Variants in MAP2K1 observed in about 807,000 individuals in gnomAD.
MAP2K1 encodes dual specificity mitogen-activated protein kinase kinase 1.
Under a neutral mutation model 46.3 loss-of-function variants are expected in MAP2K1, and 16 were observed. The observed-to-expected ratio is 0.35, with a 90% CI of 0.23 to 0.52. MAP2K1 has a LOEUF of 0.52. Ranked by LOEUF, MAP2K1 falls within the 20% of genes least tolerant of loss-of-function variation. MAP2K1 has a pLI of 0.94. For missense variants in MAP2K1, 263 were observed against 497.1 expected, an observed-to-expected ratio of 0.53 and a Z score of 4.48; for synonymous variants, 183 against 185.6, an observed-to-expected ratio of 0.99 and a Z score of 0.11.
Position 66,463,715 on chromosome 15 carries a change from C to G in MAP2K1, c.569-18040C>G, listed in dbSNP as rs560212365. Among the ~76,000 whole-genome samples the G allele has an allele frequency of 3.9e-5, 6 of 152,360 alleles. No individual in the cohort carries two copies. The East Asian group carries it at 1.2e-3, about 29-fold the overall frequency. On this transcript the variant is annotated intron_variant, in intron 5 of 10. Coordinates refer to ENST00000307102, the MANE Select transcript of MAP2K1 (RefSeq NM_002755.4). ...GCCAGGCTGGCTTCAAACTCCTGAC[C>G]TCTGGTGATCCACCTGCCTTGGCCT...
rs1346018603 is a variant in MAP2K1 at position 66,478,494 on chromosome 15, A to G, written c.569-3261A>G. Among the ~76,000 whole-genome samples, 6 of 140,198 alleles carry G rather than the reference A, an allele frequency of 4.3e-5. No individual in the cohort carries two copies. In the East Asian group the frequency reaches 8.3e-4, roughly 20 times the overall value. The allele number at this position is 140,198 out of a possible 152,430, so 92.0% of individuals were successfully genotyped here. On this transcript the variant is annotated intron_variant, in intron 5 of 10. Coordinates refer to ENST00000307102, the MANE Select transcript of MAP2K1 (RefSeq NM_002755.4). ...TATATACAGGTGTATATATAGAGGT[A>G]TATATATATATATTTTTTTTTTGAG...
chr15:66,414,767 C>A (rs2093420656), intron 1 of MAP2K1, among the ~76,000 whole-genome samples: 1 of 151,702 alleles, frequency 6.6e-6, no homozygotes, highest in African/African-American at 2.4e-5. Context: ...GTATGGCCAG[C>A]CCCCATCCTG....
intron 5 of MAP2K1, among the ~76,000 whole-genome samples, chr15:66,458,914 T>C (rs28620576): frequency 0.28 from 42,148 of 152,074 alleles, 6,515 homozygotes; most frequent in South Asian, 0.37. Context: ...GCCATCCTGC[T>C]TGGAGTGTGC....
chr15:66,439,891 C>T (rs961613680), intron 3 of MAP2K1, among the ~76,000 whole-genome samples: 6 of 149,268 alleles, frequency 4.0e-5, no homozygotes, highest in Admixed American at 2.0e-4. Flanking sequence ...GCTGAGACCA[C>T]GCCATTGCAC....
intron 5 of MAP2K1, among the ~76,000 whole-genome samples, chr15:66,457,140 A>T (rs1411424908): frequency 6.6e-6 from 1 of 152,206 alleles, no homozygotes. Flanking sequence ...ATTTTTTGAG[A>T]CCGAGTCTCG....
intron 5 of MAP2K1, among the ~76,000 whole-genome samples, chr15:66,477,041 C>T (rs1266591947): frequency 3.9e-5 from 6 of 152,140 alleles, no homozygotes; most frequent in East Asian, 1.9e-4. Flanking sequence ...TGAGGCCCTC[C>T]GGGATCTGGC....
chr15:66,464,711 G>T (rs1258350196), intron 5 of MAP2K1, among the ~76,000 whole-genome samples: 1 of 151,404 alleles, frequency 6.6e-6, no homozygotes, highest in Non-Finnish European at 1.5e-5. Context: ...TTTTAGTAGA[G>T]ACAGGGTTTC....
chr15:66,440,904 T>C (rs1224441623), intron 3 of MAP2K1, among the ~76,000 whole-genome samples: 1 of 152,192 alleles, frequency 6.6e-6, no homozygotes, highest in Non-Finnish European at 1.5e-5. Context: ...CACTATACTC[T>C]GCTTGAAGCT....
intron 5 of MAP2K1, among the ~76,000 whole-genome samples, chr15:66,459,295 A>T (rs1306114535): frequency 7.7e-6 from 1 of 130,554 alleles, no homozygotes; most frequent in South Asian, 2.6e-4. Flanking sequence ...TGGCAACAGA[A>T]CAAGACTCTG....
intron 1 of MAP2K1, among the ~76,000 whole-genome samples, chr15:66,434,648 G>A (rs1347597279): frequency 1.3e-5 from 2 of 152,138 alleles, no homozygotes; most frequent in Non-Finnish European, 1.5e-5. Flanking sequence ...TTTGCGTATG[G>A]TAAAAACAAT....
chr15:66,476,784 G>A (rs1052543528), intron 5 of MAP2K1, among the ~76,000 whole-genome samples: 2 of 152,170 alleles, frequency 1.3e-5, no homozygotes, highest in Non-Finnish European at 2.9e-5. Flanking sequence ...AGAAGATGCT[G>A]GAGACAGGAA....
chr15:66,413,010 C>T (rs1173526139), intron 1 of MAP2K1, among the ~76,000 whole-genome samples: 1 of 152,122 alleles, frequency 6.6e-6, no homozygotes, highest in Non-Finnish European at 1.5e-5. Flanking sequence ...ATTCTCGTGC[C>T]TCAGCCTCTA....
At chr15:66,455,070 C>A (rs889904116) in intron 5 of MAP2K1, among the ~76,000 whole-genome samples, 1 of 152,118 alleles carries the variant, frequency 6.6e-6, no homozygotes, top group Non-Finnish European at 1.5e-5. Flanking sequence ...CAACTGTCCT[C>A]TCCTAGCCTT....
At chr15:66,446,095 G>T (rs1022355805) in intron 5 of MAP2K1, among the ~76,000 whole-genome samples, 33 of 151,960 alleles carry the variant, frequency 2.2e-4, no homozygotes, top group African/African-American at 7.7e-4. Flanking sequence ...CGTGGTGGCG[G>T]GTGCTTGTAA....
chr15:66,449,687 C>A (rs1358411570), intron 5 of MAP2K1, among the ~76,000 whole-genome samples: 1 of 152,086 alleles, frequency 6.6e-6, no homozygotes, highest in Non-Finnish European at 1.5e-5. Context: ...TTGAGACCAG[C>A]CTGGCCAACA....
intron 5 of MAP2K1, among the ~76,000 whole-genome samples, chr15:66,480,056 C>T (rs1892877269): frequency 6.6e-6 from 1 of 151,724 alleles, no homozygotes; most frequent in Admixed American, 6.6e-5. Flanking sequence ...AAGCATGCGC[C>T]ACCACGCTAA....
In MAP2K1 at chr15:66,444,652, C is replaced by T. The variant is rs200197244; in HGVS notation, c.517-4C>T. Reference sequence around the variant, plus strand: ...TCTTTTCTTTTACATTCCCTTTCCTCTAGGTAATAAAAGGCCTGACATATC... The same window carrying T: ...TCTTTTCTTTTACATTCCCTTTCCTTTAGGTAATAAAAGGCCTGACATATC... On this transcript the variant is annotated splice_polypyrimidine_tract_variant and splice_region_variant and intron_variant, in intron 4 of 10. Transcript: ENST00000307102. 9.4e-6 allele frequency: 15 copies of T among 1,600,744 alleles called. No homozygotes were observed. The South Asian group carries it at 1.5e-4, about 16-fold the overall frequency.
chr15:66,388,493 T>C (rs1232133508), intron 1 of MAP2K1, among the ~76,000 whole-genome samples: 1 of 152,242 alleles, frequency 6.6e-6, no homozygotes, highest in African/African-American at 2.4e-5. Flanking sequence ...TTGGACCTTA[T>C]GCTCTTTGGT....
At chr15:66,404,250 G>T (rs1273559312) in intron 1 of MAP2K1, among the ~76,000 whole-genome samples, 1 of 152,196 alleles carries the variant, frequency 6.6e-6, no homozygotes, top group African/African-American at 2.4e-5. Context: ...CCACTCGGGG[G>T]CTGAGGCAGG....
Sources: allele counts gnomAD v4.1 joint callset (sites outside exome capture counted in the v4.1 genomes callset), GRCh38; gene constraint gnomAD v4.1.1; transcripts MANE v1.5; gene names NCBI Gene and HGNC (gene_info 2026-07-23, HGNC 2026-07-21).